Variants in PI15 observed in about 807,000 individuals in gnomAD.
The protein encoded by PI15 is 25 kDa trypsin inhibitor.
A neutral mutation model predicts 31.0 loss-of-function variants in PI15; 18 were observed. That is an observed-to-expected ratio of 0.58 (90% CI 0.40 to 0.86). PI15 has a LOEUF of 0.86. PI15 is among the 40% of genes least tolerant of loss of function. The probability of loss-of-function intolerance (pLI) is 0.00; values close to 1 mark genes in which losing one functional copy is unlikely to be tolerated. For missense variants in PI15, 282 were observed against 328.1 expected (o/e 0.86, Z 1.09); for synonymous variants, 118 against 119.1 (o/e 0.99, Z 0.06).
chr8:74,837,814 A>G (rs1381135279), intron 2 of PI15, among the ~76,000 whole-genome samples: 1 of 152,210 alleles, frequency 6.6e-6, no homozygotes, highest in African/African-American at 2.4e-5. Flanking sequence ...CATGGCATCT[A>G]TGAAAATAAC....
At chr8:74,845,828 AG>A in intron 5 of PI15, 1 of 199,718 alleles carries the variant, frequency 5.0e-6, no homozygotes, top group East Asian at 1.1e-4. Context: ...AAATCAAGAA[AG>A]AATCTTCCAT....
intron 2 of PI15, among the ~76,000 whole-genome samples, chr8:74,829,882 A>C (rs975750000): frequency 2.0e-5 from 3 of 152,124 alleles, no homozygotes; most frequent in Admixed American, 1.3e-4. Context: ...AAAGCAATGC[A>C]TGAACAAAAT....
At chr8:74,831,802 G>A (rs935450410) in intron 2 of PI15, among the ~76,000 whole-genome samples, 1 of 152,108 alleles carries the variant, frequency 6.6e-6, no homozygotes, top group Non-Finnish European at 1.5e-5. Flanking sequence ...ACAGGTGTGA[G>A]TTAAGGAAAG....
At chr8:74,826,334 C>G (rs774284580) in intron 2 of PI15, 13 of 954,998 alleles carry the variant, frequency 1.4e-5, no homozygotes, top group Non-Finnish European at 1.6e-5. Flanking sequence ...CAATGAAGAC[C>G]ATCAATATGG....
At chr8:74,830,955 G>A (rs754937703) in intron 2 of PI15, among the ~76,000 whole-genome samples, 15 of 152,098 alleles carry the variant, frequency 9.9e-5, no homozygotes, top group Non-Finnish European at 2.9e-5. Context: ...CTGCTCTCCT[G>A]GATGTAAAAT....
Position 74,825,487 on chromosome 8 carries a change from A to G in PI15, c.238A>G (p.Lys80Glu), listed in dbSNP as rs1463790973. Residue 80 changes from lysine to glutamate, a missense_variant, in exon 2 of 6, where the codon AAA becomes GAA. Physicochemically the swap from Lys to Glu is moderately conservative, Grantham distance 56. Transcript: ENST00000260113. ...ILDYHNQVRG[K>E]VFPPAANMEY... ...TGATTATCATAATCAAGTTCGGGGC[A>G]AAGTGTTCCCACCGGCAGCAAATAT... 1.2e-6 allele frequency: 2 copies of G among 1,613,162 alleles called. No homozygotes were observed. Among genetic ancestry groups the G allele is most frequent in the East Asian group, 4.5e-5 (2 of 44,814 alleles).
Position 74,828,060 on chromosome 8 carries a change from C to A in PI15, c.273+2538C>A, listed in dbSNP as rs150021045. Among the ~76,000 whole-genome samples the A allele has an allele frequency of 1.7e-3, 261 of 152,218 alleles. 1 individual carries two copies. The highest frequency in any genetic ancestry group is 0.017 in the Middle Eastern group (5 of 294). ...TAAGCATTGACTATATGTTAGGCTACATAATTGGGGATACATTCATGAATA... is the reference window on the plus strand; with the variant it reads ...TAAGCATTGACTATATGTTAGGCTAAATAATTGGGGATACATTCATGAATA... On this transcript the variant is annotated intron_variant, in intron 2 of 5. Coordinates refer to ENST00000260113, the MANE Select transcript of PI15 (RefSeq NM_015886.5).
chr8:74,826,212 A>T, intron 2 of PI15: 1 of 365,340 alleles, frequency 2.7e-6, no homozygotes, highest in Non-Finnish European at 3.8e-6. Context: ...AAAAAAAGTT[A>T]GTATTGAAAG....
At chr8:74,848,827 G>A (rs866396956) in intron 5 of PI15, among the ~76,000 whole-genome samples, 1 of 150,950 alleles carries the variant, frequency 6.6e-6, no homozygotes. Flanking sequence ...TCCACCTCCT[G>A]GGTTCACGCC....
intron 2 of PI15, among the ~76,000 whole-genome samples, chr8:74,837,313 A>C (rs1810886325): frequency 6.6e-6 from 1 of 152,044 alleles, no homozygotes; most frequent in Non-Finnish European, 1.5e-5. Context: ...TAATTAATTT[A>C]ATCACCACTC....
rs1469289151 is a variant in PI15, at chr8:74,849,140, C to G, written c.664C>G (p.Pro222Ala). The change falls in exon 6 of 6, where the codon CCA becomes GCA. Residue 222 changes from proline to alanine, a missense_variant. Pro to Ala is a conservative substitution (Grantham distance 27). Transcript: ENST00000260113. ...TAGGGGCAATTGGATTGGAGAAGCACCATATAAAGTAGGGGTACCATGTTC... is the reference window on the plus strand; with the variant it reads ...TAGGGGCAATTGGATTGGAGAAGCAGCATATAAAGTAGGGGTACCATGTTC... ...APKGNWIGEAPYKVGVPCSSC... is the reference protein window; with the variant it reads ...APKGNWIGEAAYKVGVPCSSC... 3 of 1,612,488 alleles carry G rather than the reference C, an allele frequency of 1.9e-6. No homozygotes were observed. In the Admixed American group the frequency reaches 5.0e-5, roughly 27 times the overall value.
intron 2 of PI15, among the ~76,000 whole-genome samples, chr8:74,825,813 T>C (rs1015039726): frequency 2.0e-5 from 3 of 152,048 alleles, no homozygotes; most frequent in Non-Finnish European, 2.9e-5. Context: ...GTAAGAATCA[T>C]AGATAAAAAG....
chr8:74,831,899 T>C (rs1326998832), intron 2 of PI15, among the ~76,000 whole-genome samples: 1 of 152,030 alleles, frequency 6.6e-6, no homozygotes, highest in East Asian at 1.9e-4. Context: ...AGGCTTGGAT[T>C]AGTGTAGAGA....
In PI15 at chr8:74,825,195, C is replaced by A. The variant is rs879025998; in HGVS notation, c.-40-15C>A. 1.3e-6 allele frequency: 2 copies of A among 1,550,158 alleles called. No homozygotes were observed. Among genetic ancestry groups the A allele is most frequent in the Admixed American group, 1.7e-5 (1 of 59,334 alleles). ...TTTTTTTCATAGACCCTAACTCTAC[C>A]TTTCTGCTTTAAAGCAAAGTAAACT... is the stretch of plus-strand genomic sequence containing the variant. On this transcript the variant is annotated splice_polypyrimidine_tract_variant and intron_variant, in intron 1 of 5. Coordinates refer to ENST00000260113, the MANE Select transcript of PI15 (RefSeq NM_015886.5).
intron 2 of PI15, among the ~76,000 whole-genome samples, chr8:74,838,019 A>G (rs918901428): frequency 2.6e-5 from 4 of 152,094 alleles, no homozygotes; most frequent in African/African-American, 9.7e-5. Context: ...TTGGACAATC[A>G]CATTTATTTA....
chr8:74,844,523 C>A (rs1308724468), intron 3 of PI15, among the ~76,000 whole-genome samples: 3 of 151,114 alleles, frequency 2.0e-5, no homozygotes, highest in Middle Eastern at 3.4e-3. Context: ...TTTACATAAA[C>A]ATATACAATA....
intron 2 of PI15, among the ~76,000 whole-genome samples, chr8:74,837,851 GTC>G (rs1454049054): frequency 6.6e-6 from 1 of 152,086 alleles, no homozygotes; most frequent in Non-Finnish European, 1.5e-5. Context: ...AAAATTCAGA[GTC>G]TGATATTTTT....
rs554462609 is a variant in PI15, at chr8:74,840,280, AT to A, written c.274-3699del. On this transcript the variant is annotated intron_variant, in intron 2 of 5. Transcript: ENST00000260113. Reference sequence around the variant, plus strand: ...CCAGTTACTTTGAAATATACACTAGATTATCGTAAACTATAGTCTACTTATC... The same window carrying A: ...CCAGTTACTTTGAAATATACACTAGATATCGTAAACTATAGTCTACTTATC... Among the ~76,000 whole-genome samples, 14 of 152,282 alleles carry A rather than the reference AT, an allele frequency of 9.2e-5. No homozygotes were observed. The South Asian group carries it at 2.9e-3, about 32-fold the overall frequency.
intron 5 of PI15, 93 bp from the exon 6 acceptor site, chr8:74,849,025 T>C: frequency 9.7e-7 from 1 of 1,033,276 alleles, no homozygotes; most frequent in Admixed American, 2.3e-5. Context: ...GATCATCACA[T>C]GTCAATACTT....
Sources: allele counts gnomAD v4.1 joint callset (sites outside exome capture counted in the v4.1 genomes callset), GRCh38; gene constraint gnomAD v4.1.1; transcripts MANE v1.5; gene names NCBI Gene and HGNC (gene_info 2026-07-23, HGNC 2026-07-21).